Variants in NCKAP5 observed in about 807,000 individuals in gnomAD.
NCKAP5 encodes the protein nck-associated protein 5.
A neutral mutation model predicts 167.0 loss-of-function variants in NCKAP5; 92 were observed. That is an observed-to-expected ratio of 0.55 (90% CI 0.47 to 0.66). NCKAP5 has a LOEUF of 0.66. Among genes scored for constraint, NCKAP5 ranks in the 30% least tolerant of loss-of-function variants. The pLI, the probability that NCKAP5 is intolerant of heterozygous loss-of-function variation, is 0.00. For missense variants in NCKAP5, 2,378 were observed against 2,315.0 expected, an observed-to-expected ratio of 1.03 and a Z score of -0.56; for synonymous variants, 891 against 877.4, an observed-to-expected ratio of 1.02 and a Z score of -0.27.
At position 132,714,155 on chromosome 2, in the gene NCKAP5, A is replaced by G. The variant is rs73957629; in HGVS notation, c.5713+11472T>C. On this transcript the variant is annotated intron_variant, in intron 19 of 19. Coordinates refer to ENST00000409261, the MANE Select transcript of NCKAP5 (RefSeq NM_207363.3). ...AGGCTTAATCAGTCCTTTCTCCCTT[A>G]GACTGAATTTTAACCACAGTTGAAG... 6.6e-3 allele frequency among the ~76,000 whole-genome samples: 999 copies of G among 152,318 alleles called. 14 individuals carry two copies. Among genetic ancestry groups the G allele is most frequent in the African/African-American group, 0.023 (952 of 41,572 alleles).
chr2:133,005,785 G>T (rs2077945890), intron 6 of NCKAP5, among the ~76,000 whole-genome samples: 1 of 152,110 alleles, frequency 6.6e-6, no homozygotes, highest in Admixed American at 6.6e-5. Flanking sequence ...ACTGTGTTTA[G>T]GAATAATGAA....
At chr2:133,119,533 T>A (rs1409677154) in intron 6 of NCKAP5, among the ~76,000 whole-genome samples, 1 of 152,184 alleles carries the variant, frequency 6.6e-6, no homozygotes, top group Admixed American at 6.5e-5. Flanking sequence ...TAGAAGAGAA[T>A]AATTTGAATG....
rs1683450018 is a variant in NCKAP5, at chr2:132,785,163, G to A, written c.1648C>T (p.Leu550=). The change falls in exon 14 of 20, where the codon CTG becomes TTG. Residue 550 remains leucine, a synonymous_variant. Transcript: ENST00000409261. ...TGAGGCGTCTGCACACTTGGGCACA[G>A]CTTCATCTCTAAGGGACAGCTGCTG... ...CASSCPLEMK[L]CPSVQTPQVQ... 4 of 1,602,284 alleles carry A rather than the reference G, an allele frequency of 2.5e-6. No individual in the cohort carries two copies. Among genetic ancestry groups the A allele is most frequent in the Admixed American group, 3.5e-5 (2 of 57,482 alleles).
chr2:133,654,794 C>A, the NCKAP5 span, among the ~76,000 whole-genome samples: 26 of 152,284 alleles, frequency 1.7e-4, no homozygotes, highest in Admixed American at 1.6e-3. Flanking sequence ...GGTGAAGGAA[C>A]CACCTGCCAT....
chr2:132,707,616 T>C (rs979293675), intron 19 of NCKAP5, among the ~76,000 whole-genome samples: 2 of 152,190 alleles, frequency 1.3e-5, no homozygotes, highest in African/African-American at 4.8e-5. Flanking sequence ...AGGTATCTCC[T>C]GTGTGCCAGG....
At chr2:132,683,500 A>G (rs952248264) in intron 19 of NCKAP5, among the ~76,000 whole-genome samples, 12 of 152,202 alleles carry the variant, frequency 7.9e-5, no homozygotes, top group Non-Finnish European at 1.3e-4. Flanking sequence ...ACCTCTAGGT[A>G]GGCTTGGTCA....
chr2:132,789,641 C>T (rs902690337), intron 13 of NCKAP5, among the ~76,000 whole-genome samples: 2 of 152,218 alleles, frequency 1.3e-5, no homozygotes, highest in Admixed American at 1.3e-4. Flanking sequence ...ATTTCCCTTA[C>T]ATCAGTGTAC....
In NCKAP5 at chr2:133,526,065, A is replaced by G. The variant is rs189949776; in HGVS notation, c.-61-8478T>C. On this transcript the variant is annotated intron_variant, in intron 2 of 19. Transcript: ENST00000409261. ...AAAGAGTTCCATTCATTCAAAATTA[A>G]GTAATATATATTCTATACCTATTTT... is the stretch of plus-strand genomic sequence containing the variant. 1.4e-3 allele frequency among the ~76,000 whole-genome samples: 216 copies of G among 152,196 alleles called. 2 individuals carry two copies. Among genetic ancestry groups the G allele is most frequent in the African/African-American group, 4.9e-3 (205 of 41,546 alleles).
intron 16 of NCKAP5, among the ~76,000 whole-genome samples, chr2:132,752,102 G>A (rs1248497640): frequency 2.0e-5 from 3 of 151,706 alleles, no homozygotes; most frequent in Admixed American, 6.6e-5. Context: ...ATGCATCCCT[G>A]AAGTCATCAT....
chr2:133,127,454 C>T (rs2082439748), intron 6 of NCKAP5, among the ~76,000 whole-genome samples: 1 of 152,156 alleles, frequency 6.6e-6, no homozygotes, highest in African/African-American at 2.4e-5. Context: ...AAAAGTCCTT[C>T]ACAAAAGAAG....
chr2:133,130,851 G>T (rs1308563775), intron 5 of NCKAP5, among the ~76,000 whole-genome samples: 1 of 151,942 alleles, frequency 6.6e-6, no homozygotes, highest in Non-Finnish European at 1.5e-5. Flanking sequence ...TTGTTTTGTT[G>T]TTGTTGTTGT....
intron 6 of NCKAP5, among the ~76,000 whole-genome samples, chr2:133,021,192 A>G (rs2078514304): frequency 6.6e-6 from 1 of 152,170 alleles, no homozygotes; most frequent in Admixed American, 6.5e-5. Context: ...GTACCCTTAG[A>G]GGAAAAGCAG....
chr2:133,258,776 G>A (rs1425154136), intron 4 of NCKAP5, among the ~76,000 whole-genome samples: 2 of 151,432 alleles, frequency 1.3e-5, no homozygotes, highest in Non-Finnish European at 2.9e-5. Flanking sequence ...AAGAAGAGAA[G>A]AAGAAAACCA....
At chr2:133,588,853 G>T in the NCKAP5 span, among the ~76,000 whole-genome samples, 15 of 152,144 alleles carry the variant, frequency 9.9e-5, no homozygotes, top group African/African-American at 3.4e-4. Context: ...AATGTTCCAG[G>T]CAAAGGGACC....
chr2:133,096,360 G>A (rs576293428), intron 6 of NCKAP5, among the ~76,000 whole-genome samples: 1 of 152,076 alleles, frequency 6.6e-6, no homozygotes, highest in East Asian at 1.9e-4. Flanking sequence ...ATGTGGTGGT[G>A]CGCCTGTGTC....
At chr2:132,893,040 T>C (rs151103042) in intron 8 of NCKAP5, among the ~76,000 whole-genome samples, 63 of 136,736 alleles carry the variant, frequency 4.6e-4, no homozygotes, top group African/African-American at 1.7e-3. Context: ...AGCACAGACA[T>C]AGTCATTCTA....
intron 6 of NCKAP5, among the ~76,000 whole-genome samples, chr2:133,125,202 T>G (rs2149777304): frequency 6.6e-6 from 1 of 151,934 alleles, no homozygotes; most frequent in South Asian, 2.1e-4. Flanking sequence ...ATCACCTAAG[T>G]GATCCCATTA....
chr2:133,076,631 G>A (rs2080612510), intron 6 of NCKAP5, among the ~76,000 whole-genome samples: 2 of 152,090 alleles, frequency 1.3e-5, no homozygotes, highest in Non-Finnish European at 2.9e-5. Context: ...ACTAGAGGTG[G>A]GCAGCCCCAG....
chr2:132,761,391 T>A (rs2104859122), intron 16 of NCKAP5, among the ~76,000 whole-genome samples: 1 of 152,338 alleles, frequency 6.6e-6, no homozygotes, highest in South Asian at 2.1e-4. Flanking sequence ...CTGGGACCAC[T>A]GGTCACCCTA....
Sources: allele counts gnomAD v4.1 joint callset (sites outside exome capture counted in the v4.1 genomes callset), GRCh38; gene constraint gnomAD v4.1.1; transcripts MANE v1.5; gene names NCBI Gene and HGNC (gene_info 2026-07-23, HGNC 2026-07-21).